DPY19L2: variants seen among roughly 807,000 people sequenced by gnomAD.
DPY19L2 encodes probable C-mannosyltransferase DPY19L2.
A neutral mutation model predicts 97.9 loss-of-function variants in DPY19L2; 34 were observed. That is an observed-to-expected ratio of 0.35 (90% CI 0.26 to 0.46). The LOEUF (loss-of-function observed/expected upper bound fraction) is 0.46, where lower values mean the gene tolerates loss of function less well. DPY19L2 is among the 20% of genes least tolerant of loss of function. The pLI is 1.00. For synonymous variants in DPY19L2, 230 were observed against 307.9 expected, an observed-to-expected ratio of 0.75 and a Z score of 2.65; for missense variants, 623 against 911.4, an observed-to-expected ratio of 0.68 and a Z score of 4.07.
intron 16 of DPY19L2, among the ~76,000 whole-genome samples, chr12:63,587,973 C>A (rs927413557): frequency 1.3e-5 from 2 of 152,078 alleles, no homozygotes; most frequent in African/African-American, 4.8e-5. Flanking sequence ...AATGGTAATG[C>A]TACACACATC....
At chr12:63,572,407 G>A (rs4044659) in intron 19 of DPY19L2, among the ~76,000 whole-genome samples, 145,779 of 152,150 alleles carry the variant, frequency 0.96, 69,917 homozygotes, top group East Asian at 1. Flanking sequence ...GCTGCAGTAG[G>A]ATAGAGCATC....
chr12:63,645,296 C>A (rs1371357719), intron 5 of DPY19L2, among the ~76,000 whole-genome samples: 2 of 152,108 alleles, frequency 1.3e-5, no homozygotes, highest in African/African-American at 4.8e-5. Flanking sequence ...CCTCTCTGAT[C>A]GCTCGTTTCA....
intron 15 of DPY19L2, among the ~76,000 whole-genome samples, chr12:63,594,448 TGA>T (rs895669484): frequency 8.5e-6 from 1 of 117,646 alleles, no homozygotes; most frequent in Admixed American, 8.9e-5. Flanking sequence ...GCTGCAGGGA[TGA>T]GAGAGAGAGA....
At chr12:63,575,460 A>T (rs370027245) in intron 19 of DPY19L2, among the ~76,000 whole-genome samples, 1 of 151,878 alleles carries the variant, frequency 6.6e-6, no homozygotes, top group Non-Finnish European at 1.5e-5. Flanking sequence ...TAAAATAATA[A>T]AGATCAGAGC....
intron 16 of DPY19L2, chr12:63,584,136 T>C (rs997955932): frequency 9.5e-6 from 3 of 314,278 alleles, no homozygotes; most frequent in African/African-American, 6.4e-5. Context: ...TAGGATGACC[T>C]TCTATTCAAC....
At chr12:63,615,405 G>A (rs961331999) in intron 11 of DPY19L2, among the ~76,000 whole-genome samples, 3 of 152,272 alleles carry the variant, frequency 2.0e-5, no homozygotes, top group African/African-American at 7.2e-5. Flanking sequence ...CATAAAGAGA[G>A]ACATTATGTG....
At chr12:63,594,467 G>GTGTGTGTGTT (rs1883778137) in intron 15 of DPY19L2, among the ~76,000 whole-genome samples, 1 of 141,470 alleles carries the variant, frequency 7.1e-6, no homozygotes, top group African/African-American at 2.8e-5. Context: ...GAGAGATAGT[G>GTGTGTGTGTT]TGTGTGTGTG....
chr12:63,643,867 A>G (rs1893030432), intron 6 of DPY19L2, among the ~76,000 whole-genome samples: 1 of 152,166 alleles, frequency 6.6e-6, no homozygotes, highest in Admixed American at 6.5e-5. Flanking sequence ...AAACTAGCTG[A>G]TATGGCTATC....
In DPY19L2 at chr12:63,569,211, G is replaced by A. The variant is rs772040777; in HGVS notation, c.2126+13C>T. ...AAATATACCATATCAGATAGCATAG[G>A]GTTAATACTCACTTAGTTCTCACAA... On this transcript the variant is annotated intron_variant, in intron 21 of 21. Coordinates refer to ENST00000324472, the MANE Select transcript of DPY19L2 (RefSeq NM_173812.5). The A allele has an allele frequency of 1.3e-6, 2 of 1,592,850 alleles. No homozygotes were observed. Among genetic ancestry groups the A allele is most frequent in the Admixed American group, 3.5e-5 (2 of 57,242 alleles).
At chr12:63,634,949 G>A (rs1356678659) in intron 6 of DPY19L2, among the ~76,000 whole-genome samples, 10 of 152,172 alleles carry the variant, frequency 6.6e-5, no homozygotes, top group African/African-American at 9.7e-5. Context: ...CTCCCAGCAC[G>A]CAGCTGGAGA....
intron 11 of DPY19L2, among the ~76,000 whole-genome samples, chr12:63,614,019 G>A (rs1345482734): frequency 1.1e-4 from 17 of 151,364 alleles, no homozygotes; most frequent in African/African-American, 3.9e-4. Flanking sequence ...GTGACACCCC[G>A]TCTCTACTAA....
intron 11 of DPY19L2, 139 bp downstream of exon 11, chr12:63,617,165 A>C: frequency 3.3e-6 from 2 of 599,516 alleles, no homozygotes; most frequent in East Asian, 6.2e-5. Flanking sequence ...GACAGATAAA[A>C]AGCTTTGCTT....
intron 4 of DPY19L2, among the ~76,000 whole-genome samples, chr12:63,648,317 C>CTG (rs1293657465): frequency 6.6e-6 from 1 of 151,814 alleles, no homozygotes; most frequent in African/African-American, 2.4e-5. Flanking sequence ...ACAAAACAGA[C>CTG]TAAGACAAAT....
intron 19 of DPY19L2, among the ~76,000 whole-genome samples, chr12:63,575,382 T>G (rs970483864): frequency 7.3e-5 from 11 of 151,348 alleles, no homozygotes; most frequent in Admixed American, 3.9e-4. Context: ...AACCTCAAAT[T>G]AACAACTCAA....
intron 6 of DPY19L2, among the ~76,000 whole-genome samples, chr12:63,643,659 T>TA (rs1232016914): frequency 6.6e-6 from 1 of 152,164 alleles, no homozygotes; most frequent in Non-Finnish European, 1.5e-5. Context: ...AGAAGGATGG[T>TA]AGGCCAGATA....
At chr12:63,634,289 T>A (rs1891248541) in intron 6 of DPY19L2, among the ~76,000 whole-genome samples, 1 of 152,120 alleles carries the variant, frequency 6.6e-6, no homozygotes, top group Non-Finnish European at 1.5e-5. Flanking sequence ...GAGTACTAAA[T>A]GATGGTAATA....
At chr12:63,562,797 C>CCT in intron 21 of DPY19L2, among the ~76,000 whole-genome samples, 1 of 111,796 alleles carries the variant, frequency 8.9e-6, no homozygotes, top group East Asian at 2.4e-4. Flanking sequence ...GTCCTTTTGT[C>CCT]CTTTTTTTTT....
intron 9 of DPY19L2, chr12:63,619,828 A>G (rs1162219139): frequency 1.3e-5 from 5 of 381,162 alleles, no homozygotes; most frequent in Non-Finnish European, 2.6e-5. Flanking sequence ...TAGTTTCATC[A>G]GTATCACTGG....
intron 6 of DPY19L2, among the ~76,000 whole-genome samples, chr12:63,643,523 A>G (rs1892985846): frequency 6.6e-6 from 1 of 152,216 alleles, no homozygotes; most frequent in Non-Finnish European, 1.5e-5. Context: ...TGATTCAGCT[A>G]GGAATGCGCT....
Sources: gnomAD v4.1 joint callset for allele counts (sites outside exome capture counted in the v4.1 genomes callset) on GRCh38, gnomAD v4.1.1 for gene constraint, MANE v1.5 for transcripts, NCBI Gene and HGNC (gene_info 2026-07-23, HGNC 2026-07-21) for gene names.